RAD54L2: variants seen among roughly 807,000 people sequenced by gnomAD.
RAD54L2 encodes the protein helicase ARIP4.
A neutral mutation model predicts 138.4 loss-of-function variants in RAD54L2; 27 were observed. That is an observed-to-expected ratio of 0.20 (90% CI 0.14 to 0.27). The LOEUF is 0.27. Ranked by LOEUF, RAD54L2 falls within the 10% of genes least tolerant of loss-of-function variation. The pLI is 1.00. For missense variants in RAD54L2, 1,396 were observed against 1,890.2 expected (o/e 0.74, Z 4.85); for synonymous variants, 644 against 723.2 (o/e 0.89, Z 1.76).
At chr3:51,642,330 CTTTT>C (rs367658494) in intron 15 of RAD54L2, among the ~76,000 whole-genome samples, 2 of 130,610 alleles carry the variant, frequency 1.5e-5, no homozygotes, top group African/African-American at 2.8e-5. Context: ...AGGGGATGAA[CTTTT>C]TTTTTTTTTT....
At chr3:51,575,416 T>C (rs999887486) in intron 2 of RAD54L2, among the ~76,000 whole-genome samples, 5 of 152,192 alleles carry the variant, frequency 3.3e-5, no homozygotes, top group Admixed American at 2.6e-4. Flanking sequence ...GGGGATGGCA[T>C]TGAATCTATA....
intron 19 of RAD54L2, among the ~76,000 whole-genome samples, chr3:51,650,418 G>C (rs1222783028): frequency 2.0e-5 from 3 of 152,182 alleles, no homozygotes; most frequent in Non-Finnish European, 4.4e-5. Context: ...CTTGAACTCA[G>C]CTCTGGACCA....
chr3:51,651,909 T>G (rs926488098), intron 19 of RAD54L2, among the ~76,000 whole-genome samples: 1 of 152,148 alleles, frequency 6.6e-6, no homozygotes, highest in Non-Finnish European at 1.5e-5. Context: ...CCACTCCTAT[T>G]CAACATAGTG....
At chr3:51,616,364 G>A (rs1700441669) in intron 3 of RAD54L2, among the ~76,000 whole-genome samples, 2 of 151,682 alleles carry the variant, frequency 1.3e-5, no homozygotes, top group Non-Finnish European at 2.9e-5. Context: ...CTTTTTAAAC[G>A]TGTTCATTTA....
At position 51,643,851 on chromosome 3, in the gene RAD54L2, CT is replaced by C. The variant is rs755148245; in HGVS notation, c.2351-22del. 3.1e-5 allele frequency: 48 copies of C among 1,549,202 alleles called. 1 individual carries two copies. In the African/African-American group the frequency reaches 4.9e-4, roughly 16 times the overall value. On this transcript the variant is annotated intron_variant, in intron 15 of 22. Coordinates refer to ENST00000684192, the MANE Select transcript of RAD54L2 (RefSeq NM_015106.4). ...TATCCTTGCTCTAATATATCCACTG[CT>C]TATGGTTTTCCTTCCTTCCTAGGGC...
intron 3 of RAD54L2, among the ~76,000 whole-genome samples, chr3:51,619,052 TTTTG>T (rs576578454): frequency 2.5e-4 from 38 of 152,096 alleles, no homozygotes; most frequent in Admixed American, 1.2e-3. Context: ...GCACTATCTT[TTTTG>T]TTTGTTTGTT....
At chr3:51,552,611 C>T (rs1698867790) in intron 2 of RAD54L2, among the ~76,000 whole-genome samples, 1 of 126,354 alleles carries the variant, frequency 7.9e-6, no homozygotes, top group African/African-American at 3.1e-5. Flanking sequence ...GACTCTTGCT[C>T]AGGTTGGAGT....
At chr3:51,626,476 A>C (rs923724119) in intron 3 of RAD54L2, among the ~76,000 whole-genome samples, 2 of 75,608 alleles carry the variant, frequency 2.6e-5, no homozygotes, top group Non-Finnish European at 4.8e-5. Context: ...AGGGAGTCTC[A>C]TTATGTCGCC....
chr3:51,571,487 G>A (rs929336982), intron 2 of RAD54L2, among the ~76,000 whole-genome samples: 1 of 151,316 alleles, frequency 6.6e-6, no homozygotes, highest in African/African-American at 2.4e-5. Flanking sequence ...CGCCTCCCGG[G>A]TTCAAGCAAT....
At chr3:51,556,559 CTTTATCTCTCT>C (rs1338221403) in intron 2 of RAD54L2, among the ~76,000 whole-genome samples, 1 of 147,496 alleles carries the variant, frequency 6.8e-6, no homozygotes, top group Non-Finnish European at 1.5e-5. Context: ...CAACCAGATG[CTTTATCTCTCT>C]TTTATCTATC....
intron 2 of RAD54L2, among the ~76,000 whole-genome samples, chr3:51,568,493 G>C (rs761401159): frequency 6.6e-6 from 1 of 152,132 alleles, no homozygotes; most frequent in Non-Finnish European, 1.5e-5. Flanking sequence ...TTGTCCTTGA[G>C]ATTTGGCAGT....
At position 51,637,683 on chromosome 3, in the gene RAD54L2, C is replaced by G. The variant is rs753200520; in HGVS notation, c.1682+180C>G. ...GGTGGATATCCACTGTTTCAGTTCT[C>G]TGAAAGTTTGGCCTAGAAGTGCTTC... On this transcript the variant is annotated intron_variant, in intron 11 of 22. Transcript: ENST00000684192. The surrounding 1 kb of genome is among the most constrained non-coding windows in gnomAD (Gnocchi z 5.9). Among the ~76,000 whole-genome samples the G allele has an allele frequency of 5.9e-5, 9 of 152,250 alleles. No individual in the cohort carries two copies. The highest frequency in any genetic ancestry group is 1.2e-4 in the African/African-American group (5 of 41,462).
chr3:51,654,535 A>G (rs947005679), intron 19 of RAD54L2, among the ~76,000 whole-genome samples: 9 of 151,984 alleles, frequency 5.9e-5, no homozygotes, highest in African/African-American at 1.4e-4. Flanking sequence ...AGAGAAAGTC[A>G]CTCTCTTTCA....
At chr3:51,623,061 A>G (rs1038836734) in intron 3 of RAD54L2, among the ~76,000 whole-genome samples, 3 of 152,266 alleles carry the variant, frequency 2.0e-5, no homozygotes, top group African/African-American at 7.2e-5. Context: ...GCCTTGGCAC[A>G]GGGCCTGGAA....
At chr3:51,600,184 C>T (rs1266947301) in intron 3 of RAD54L2, among the ~76,000 whole-genome samples, 5 of 151,972 alleles carry the variant, frequency 3.3e-5, no homozygotes, top group African/African-American at 9.7e-5. Flanking sequence ...CCTTGTGATC[C>T]GCCTGCTTCG....
chr3:51,601,990 C>T (rs1285673483), intron 3 of RAD54L2, among the ~76,000 whole-genome samples: 1 of 150,946 alleles, frequency 6.6e-6, no homozygotes, highest in Non-Finnish European at 1.5e-5. Flanking sequence ...GCCACCATGC[C>T]CAGCTAAGTT....
intron 2 of RAD54L2, among the ~76,000 whole-genome samples, chr3:51,581,104 G>A (rs897584311): frequency 3.3e-5 from 5 of 152,136 alleles, no homozygotes; most frequent in African/African-American, 9.6e-5. Flanking sequence ...GAAAATCAGC[G>A]GTGGTTGTTA....
chr3:51,627,458 G>A, intron 3 of RAD54L2, 95 bp from the exon 4 acceptor site: 1 of 1,185,470 alleles, frequency 8.4e-7, no homozygotes, highest in Non-Finnish European at 1.2e-6. Flanking sequence ...CAGCTAATAA[G>A]TTGCTGAGTT....
intron 22 of RAD54L2, among the ~76,000 whole-genome samples, chr3:51,660,950 A>C (rs1243236358): frequency 6.8e-6 from 1 of 146,382 alleles, no homozygotes; most frequent in Non-Finnish European, 1.5e-5. Flanking sequence ...GGTCGCAGAC[A>C]TCCATTGCTC....
Sources: allele counts gnomAD v4.1 joint callset (sites outside exome capture counted in the v4.1 genomes callset), GRCh38; gene constraint gnomAD v4.1.1; non-coding constraint Gnocchi (gnomAD v3.1); transcripts MANE v1.5; gene names NCBI Gene and HGNC (gene_info 2026-07-23, HGNC 2026-07-21).